Variants in GAN observed in about 807,000 individuals in gnomAD.
The protein encoded by GAN is epididymis secretory sperm binding protein.
A neutral mutation model predicts 71.3 loss-of-function variants in GAN; 48 were observed. That is an observed-to-expected ratio of 0.67 (90% CI 0.53 to 0.86). GAN has a LOEUF of 0.86. Among genes scored for constraint, GAN ranks in the 40% least tolerant of loss-of-function variants. The pLI, the probability that GAN is intolerant of heterozygous loss-of-function variation, is 0.00. For synonymous variants in GAN, 386 were observed against 276.8 expected (o/e 1.39, Z -3.92); for missense variants, 928 against 770.1 (o/e 1.21, Z -2.43).
chr16:81,328,139 A>G (rs1167343053), intron 1 of GAN, among the ~76,000 whole-genome samples: 1 of 152,248 alleles, frequency 6.6e-6, no homozygotes, highest in East Asian at 1.9e-4. Context: ...TTTCAAAATG[A>G]CGCGAACTAG....
intron 1 of GAN, among the ~76,000 whole-genome samples, chr16:81,317,850 TTAAAG>T (rs764543081): frequency 2.4e-4 from 36 of 152,366 alleles, no homozygotes; most frequent in Admixed American, 7.8e-4. Context: ...TCAATCATCT[TTAAAG>T]AGAAGGCAGA....
chr16:81,371,732 G>T (rs118036780), intron 9 of GAN: 1 of 152,184 alleles, frequency 6.6e-6, no homozygotes, highest in African/African-American at 2.4e-5. Context: ...CAGAAAGATG[G>T]CCATATTTTC....
chr16:81,350,169 C>T (rs1010467746), intron 1 of GAN, among the ~76,000 whole-genome samples: 3 of 151,876 alleles, frequency 2.0e-5, no homozygotes, highest in Non-Finnish European at 2.9e-5. Context: ...ACTCCTACAC[C>T]GCAATGTGAG....
At chr16:81,376,187 C>CT (rs927094307) in intron 9 of GAN, among the ~76,000 whole-genome samples, 420 of 146,892 alleles carry the variant, frequency 2.9e-3, no homozygotes, top group African/African-American at 8.9e-3. Context: ...CAGTGGGGCA[C>CT]TTTTTTTTTT....
chr16:81,316,577 A>C (rs1189116997), intron 1 of GAN, among the ~76,000 whole-genome samples: 1 of 152,226 alleles, frequency 6.6e-6, no homozygotes, highest in African/African-American at 2.4e-5. Flanking sequence ...TCTAGCTGGC[A>C]GTTCCGAGGT....
chr16:81,329,408 T>G (rs1251276041), intron 1 of GAN, among the ~76,000 whole-genome samples: 1 of 152,176 alleles, frequency 6.6e-6, no homozygotes, highest in Non-Finnish European at 1.5e-5. Context: ...AGAAAAAAAG[T>G]AAACAGACTC....
chr16:81,344,147 G>T (rs192869278), intron 1 of GAN, among the ~76,000 whole-genome samples: 1 of 152,304 alleles, frequency 6.6e-6, no homozygotes, highest in African/African-American at 2.4e-5. Flanking sequence ...CCATGCTCAT[G>T]GATAGGAAGA....
At chr16:81,321,641 A>C (rs1480402176) in intron 1 of GAN, among the ~76,000 whole-genome samples, 1 of 152,248 alleles carries the variant, frequency 6.6e-6, no homozygotes, top group South Asian at 2.1e-4. Context: ...ATTTGTAAGG[A>C]AAACATAATT....
In GAN at chr16:81,363,822, T is replaced by C. The variant is rs778168221; in HGVS notation, c.1115T>C (p.Ile372Thr). 9 of 1,613,486 alleles carry C rather than the reference T, an allele frequency of 5.6e-6. No homozygotes were observed. Among genetic ancestry groups the C allele is most frequent in the South Asian group, 1.1e-5 (1 of 91,066 alleles). Residue 372 changes from isoleucine (I) to threonine (T), a missense_variant, in exon 7 of 11, where the codon ATA becomes ACA. Transcript: ENST00000648994. Reference sequence around the variant, plus strand: ...AGACATAACTTCGGAATTGTGGAGATAGATGGGATGCTGTACATTTTGGGA... The same window carrying C: ...AGACATAACTTCGGAATTGTGGAGACAGATGGGATGCTGTACATTTTGGGA... ...EARHNFGIVEIDGMLYILGGE... is the reference protein window; with the variant it reads ...EARHNFGIVETDGMLYILGGE...
intron 1 of GAN, among the ~76,000 whole-genome samples, chr16:81,347,225 G>A (rs1233583269): frequency 6.6e-6 from 1 of 152,178 alleles, no homozygotes; most frequent in Admixed American, 6.5e-5. Flanking sequence ...CAGTGGCAAT[G>A]AAGTACCTTT....
At chr16:81,331,047 C>G (rs1464350292) in intron 1 of GAN, among the ~76,000 whole-genome samples, 1 of 152,056 alleles carries the variant, frequency 6.6e-6, no homozygotes, top group African/African-American at 2.4e-5. Flanking sequence ...TTTACAAAAA[C>G]TTTAAAAATT....
intron 1 of GAN, among the ~76,000 whole-genome samples, chr16:81,324,324 G>A (rs1289867715): frequency 6.6e-6 from 1 of 151,986 alleles, no homozygotes; most frequent in African/African-American, 2.4e-5. Context: ...AGCCATATGA[G>A]TTTGCCGAAG....
At position 81,377,084 on chromosome 16, in the gene GAN, C is replaced by T. The variant is rs950845586; in HGVS notation, c.1503-135C>T. The T allele has an allele frequency of 8.0e-5, 61 of 764,206 alleles. 1 individual carries two copies. The East Asian group carries it at 1.3e-3, about 16-fold the overall frequency. 47.3% of individuals were successfully genotyped at this position (764,206 alleles called of 1,614,324 possible). A position where few individuals can be genotyped will look rare whatever the true frequency, so the allele number is the denominator to read the frequency against. The stretch of plus-strand genomic sequence containing the variant: ...TGGCAGCATGTCGGTGGTTACCTGG[C>T]AGTGGAACGTGGGGTCGAGATTGGC... On this transcript the variant is annotated intron_variant, in intron 9 of 10. Transcript: ENST00000648994.
chr16:81,339,010 A>G (rs1254951069), intron 1 of GAN, among the ~76,000 whole-genome samples: 1 of 152,258 alleles, frequency 6.6e-6, no homozygotes, highest in Non-Finnish European at 1.5e-5. Context: ...TAGCAGTTTG[A>G]CAGAGTAATT....
At chr16:81,351,355 A>G (rs533341078) in intron 1 of GAN, among the ~76,000 whole-genome samples, 2 of 152,296 alleles carry the variant, frequency 1.3e-5, no homozygotes, top group African/African-American at 4.8e-5. Context: ...TTCTTTGGTC[A>G]TCTGTTTTGT....
rs1210189449 is a variant in GAN at position 81,385,339 on chromosome 16, T to C, written c.*7743T>C. The C allele has an allele frequency of 6.6e-6, 1 of 152,204 alleles. No homozygotes were observed. Among genetic ancestry groups the C allele is most frequent in the Non-Finnish European group, 1.5e-5 (1 of 68,042 alleles). The allele number at this position is 152,204 out of a possible 1,614,324, so 9.4% of individuals were successfully genotyped here. ...CCCAAACTTTGTTATTTTAATTATT[T>C]TCAGGCAATCATCTTTATATACTTT... On this transcript the variant is annotated 3_prime_UTR_variant, in exon 11 of 11. Coordinates refer to ENST00000648994, the MANE Select transcript of GAN (RefSeq NM_022041.4).
chr16:81,335,248 G>T (rs1219007453), intron 1 of GAN, among the ~76,000 whole-genome samples: 1 of 152,026 alleles, frequency 6.6e-6, no homozygotes, highest in Admixed American at 6.6e-5. Flanking sequence ...GCCCAGTTTG[G>T]AACCTAGGAA....
At position 81,333,313 on chromosome 16, in the gene GAN, G is replaced by T. The variant is rs9934020; in HGVS notation, c.167+18033G>T. Among the ~76,000 whole-genome samples the T allele has an allele frequency of 9.2e-3, 1,401 of 151,662 alleles. 25 individuals are homozygous for T. The highest frequency in any genetic ancestry group is 0.033 in the African/African-American group (1,348 of 41,322). On this transcript the variant is annotated intron_variant, in intron 1 of 10. Transcript: ENST00000648994. ...TCTCTTTATAATTAATAAGTTGTGG[G>T]AGCAACACTTTGAGATTATGTAAAT...
intron 1 of GAN, among the ~76,000 whole-genome samples, chr16:81,346,746 G>T (rs1336076896): frequency 6.6e-6 from 1 of 152,118 alleles, no homozygotes; most frequent in Non-Finnish European, 1.5e-5. Context: ...GAGGCTCTGG[G>T]GAAAACTTCA....
Sources: allele counts gnomAD v4.1 joint callset (sites outside exome capture counted in the v4.1 genomes callset), GRCh38; gene constraint gnomAD v4.1.1; transcripts MANE v1.5; gene names NCBI Gene and HGNC (gene_info 2026-07-23, HGNC 2026-07-21).